The following KLRG1 variants were observed in gnomAD, a reference collection of about 807,000 sequenced individuals.
The protein encoded by KLRG1 is killer cell lectin-like receptor subfamily G member 1.
Under a neutral mutation model 21.8 loss-of-function variants are expected in KLRG1, and 16 were observed. The ratio of observed to expected loss-of-function variants is 0.73; its 90% CI spans 0.50 to 1.11. KLRG1 has a LOEUF of 1.11. Among genes scored for constraint, KLRG1 ranks in the 50% most tolerant of loss-of-function variants. The pLI, the probability that KLRG1 is intolerant of heterozygous loss-of-function variation, is 0.00. For missense variants in KLRG1, 173 were observed against 218.3 expected, an observed-to-expected ratio of 0.79 and a Z score of 1.31; for synonymous variants, 69 against 75.9, an observed-to-expected ratio of 0.91 and a Z score of 0.47.
At chr12:9,138,159 A>G in the KLRG1 span, among the ~76,000 whole-genome samples, 1 of 152,038 alleles carries the variant, frequency 6.6e-6, no homozygotes, top group Non-Finnish European at 1.5e-5. Context: ...TGGGCCTTTC[A>G]TATATAGCCT....
the KLRG1 span, chr12:9,192,213 A>G: frequency 3.7e-6 from 6 of 1,613,982 alleles, no homozygotes; most frequent in Non-Finnish European, 5.1e-6. Context: ...CTCCACAGGC[A>G]GAGTGTGGGT....
the KLRG1 span, among the ~76,000 whole-genome samples, chr12:9,175,962 A>G: frequency 2.6e-5 from 4 of 152,342 alleles, no homozygotes; most frequent in South Asian, 4.1e-4. Flanking sequence ...TACTGGGTGT[A>G]TAGCCATAGG....
At chr12:9,108,007 T>C in the KLRG1 span, among the ~76,000 whole-genome samples, 1 of 152,088 alleles carries the variant, frequency 6.6e-6, no homozygotes. Flanking sequence ...CGCCCTCAAG[T>C]CTACCTAGGA....
At chr12:9,001,013 T>C (rs771608144) in intron 3 of KLRG1, among the ~76,000 whole-genome samples, 1 of 152,360 alleles carries the variant, frequency 6.6e-6, no homozygotes, top group Admixed American at 6.5e-5. Flanking sequence ...TTCTTAACGT[T>C]ATTTGCATGT....
At chr12:9,045,748 C>T in the KLRG1 span, among the ~76,000 whole-genome samples, 2 of 152,140 alleles carry the variant, frequency 1.3e-5, no homozygotes, top group African/African-American at 4.8e-5. Flanking sequence ...CACATATGTT[C>T]ATTACAGCAC....
the KLRG1 span, chr12:9,151,697 T>A: frequency 6.3e-7 from 1 of 1,594,970 alleles, no homozygotes; most frequent in Non-Finnish European, 8.6e-7. Context: ...AAAACTTCAG[T>A]TAAAGTTAGA....
At chr12:9,198,790 C>G in the KLRG1 span, among the ~76,000 whole-genome samples, 1 of 152,256 alleles carries the variant, frequency 6.6e-6, no homozygotes, top group Non-Finnish European at 1.5e-5. Flanking sequence ...TATTCTGAAG[C>G]CCTTCTCCAA....
intron 1 of KLRG1, among the ~76,000 whole-genome samples, chr12:8,959,436 C>T (rs761367826): frequency 2.7e-4 from 41 of 152,282 alleles, no homozygotes; most frequent in African/African-American, 9.9e-4. Context: ...GTTTTAGACA[C>T]CCCTGCAATT....
the KLRG1 span, among the ~76,000 whole-genome samples, chr12:9,171,288 A>AAAAC: frequency 6.6e-5 from 10 of 152,246 alleles, no homozygotes; most frequent in Non-Finnish European, 1.0e-4. Flanking sequence ...TGCTAAAAGA[A>AAAAC]AAACAAACAA....
At chr12:9,131,024 G>A in the KLRG1 span, among the ~76,000 whole-genome samples, 66 of 152,204 alleles carry the variant, frequency 4.3e-4, 1 homozygote, top group African/African-American at 1.4e-3. Flanking sequence ...TCCCAACACC[G>A]TTTGTTGAGG....
intron 2 of KLRG1, among the ~76,000 whole-genome samples, chr12:8,994,257 G>A (rs773468116): frequency 1.1e-4 from 16 of 151,956 alleles, no homozygotes; most frequent in Non-Finnish European, 1.8e-4. Context: ...GTAGAGATGA[G>A]GTTTCACCAT....
chr12:9,114,069 C>T, the KLRG1 span, among the ~76,000 whole-genome samples: 1 of 152,178 alleles, frequency 6.6e-6, no homozygotes, highest in East Asian at 1.9e-4. Context: ...GAAAGTGAGC[C>T]ATTACTTCAC....
intron 1 of KLRG1, among the ~76,000 whole-genome samples, chr12:8,967,566 T>G (rs751606203): frequency 3.6e-5 from 5 of 137,320 alleles, no homozygotes; most frequent in South Asian, 2.5e-4. Flanking sequence ...TACAAAAAAT[T>G]AAAAAATTAG....
chr12:9,208,791 T>G, the KLRG1 span, among the ~76,000 whole-genome samples: 3 of 152,316 alleles, frequency 2.0e-5, no homozygotes, highest in African/African-American at 4.8e-5. Context: ...TTAGGGTTTT[T>G]GGGTTTTCTT....
chr12:9,160,053 T>C, the KLRG1 span: 1 of 1,591,676 alleles, frequency 6.3e-7, no homozygotes, highest in African/African-American at 1.3e-5. Context: ...AGATTGTTCA[T>C]GAAGCATTAA....
intron 1 of KLRG1, among the ~76,000 whole-genome samples, chr12:8,981,719 C>G (rs921004295): frequency 1.3e-5 from 2 of 151,662 alleles, no homozygotes; most frequent in African/African-American, 4.8e-5. Context: ...TGGTGAATGT[C>G]ATTTTGTTGG....
chr12:9,023,746 G>T, the KLRG1 span, among the ~76,000 whole-genome samples: 1 of 151,544 alleles, frequency 6.6e-6, no homozygotes, highest in Non-Finnish European at 1.5e-5. Context: ...TGTAGAGATG[G>T]GGTTTCACCC....
chr12:8,982,942 A>C (rs1012163026), intron 1 of KLRG1, among the ~76,000 whole-genome samples: 1 of 152,134 alleles, frequency 6.6e-6, no homozygotes, highest in African/African-American at 2.4e-5. Flanking sequence ...CACCATGCCT[A>C]GCCAGAACAG....
At chr12:9,049,808 T>C in the KLRG1 span, among the ~76,000 whole-genome samples, 209 of 152,320 alleles carry the variant, frequency 1.4e-3, no homozygotes, top group African/African-American at 4.9e-3. Context: ...CAAGTAAGTG[T>C]AGGGGAAGCA....
Sources: allele counts gnomAD v4.1 joint callset (sites outside exome capture counted in the v4.1 genomes callset), GRCh38; gene constraint gnomAD v4.1.1; transcripts MANE v1.5; gene names NCBI Gene and HGNC (gene_info 2026-07-23, HGNC 2026-07-21).